Variants in FBXO42 observed in about 807,000 individuals in gnomAD.
FBXO42 encodes F-box protein 42.
Under a neutral mutation model 71.7 loss-of-function variants are expected in FBXO42, and 12 were observed. The ratio of observed to expected loss-of-function variants is 0.17; its 90% confidence interval spans 0.11 to 0.27. The LOEUF (loss-of-function observed/expected upper bound fraction) is 0.27. Ranked by LOEUF, FBXO42 falls within the 10% of genes least tolerant of loss-of-function variation. The pLI is 1.00. For synonymous variants in FBXO42, 325 were observed against 327.5 expected (o/e 0.99, Z 0.08); for missense variants, 707 against 911.9 (o/e 0.78, Z 2.89).
At chr1:16,333,410 C>T (rs955662708) in intron 1 of FBXO42, among the ~76,000 whole-genome samples, 7 of 147,924 alleles carry the variant, frequency 4.7e-5, no homozygotes, top group African/African-American at 1.5e-4. Flanking sequence ...GCCAGGAGTT[C>T]GAGACCAGCC....
intron 3 of FBXO42, among the ~76,000 whole-genome samples, chr1:16,297,723 C>G (rs6669766): frequency 8.1e-4 from 123 of 151,852 alleles, no homozygotes; most frequent in African/African-American, 2.8e-3. Context: ...AAAAATTAGC[C>G]GGGCGTGGTG....
At chr1:16,319,965 C>T (rs539988942) in intron 1 of FBXO42, among the ~76,000 whole-genome samples, 63 of 151,808 alleles carry the variant, frequency 4.1e-4, no homozygotes, top group Middle Eastern at 3.4e-3. Context: ...ATGCCTCTTT[C>T]CATGCTCACG....
chr1:16,296,649 C>CAAAAAAAAAAAAAA (rs58537213), intron 3 of FBXO42, among the ~76,000 whole-genome samples: 7 of 91,328 alleles, frequency 7.7e-5, no homozygotes, highest in Non-Finnish European at 9.0e-5. Flanking sequence ...GACTCCATCT[C>CAAAAAAAAAAAAAA]AAAAAAAAAA....
At chr1:16,314,985 T>A (rs974658438) in intron 2 of FBXO42, among the ~76,000 whole-genome samples, 184 bp downstream of exon 2, 9 of 152,070 alleles carry the variant, frequency 5.9e-5, no homozygotes, top group African/African-American at 2.2e-4. Flanking sequence ...TGGGATTAGA[T>A]ACTTCAGTAT....
At chr1:16,327,180 G>A (rs995849853) in intron 1 of FBXO42, among the ~76,000 whole-genome samples, 1 of 152,094 alleles carries the variant, frequency 6.6e-6, no homozygotes, top group Non-Finnish European at 1.5e-5. Flanking sequence ...TTACTGACGA[G>A]GGATGTTAAT....
chr1:16,277,871 T>C (rs866982698), intron 4 of FBXO42, among the ~76,000 whole-genome samples: 2 of 149,462 alleles, frequency 1.3e-5, no homozygotes, highest in African/African-American at 5.0e-5. Flanking sequence ...CAAGACCCTG[T>C]CTCAACAAAA....
At chr1:16,339,832 G>C (rs1205510776) in intron 1 of FBXO42, among the ~76,000 whole-genome samples, 1 of 152,174 alleles carries the variant, frequency 6.6e-6, no homozygotes, top group African/African-American at 2.4e-5. Context: ...GCTCACACCT[G>C]TAGTCCCAGC....
At chr1:16,341,119 A>C (rs2082600601) in intron 1 of FBXO42, among the ~76,000 whole-genome samples, 1 of 152,262 alleles carries the variant, frequency 6.6e-6, no homozygotes, top group Non-Finnish European at 1.5e-5. Flanking sequence ...GAAAAGACCA[A>C]GAGGCTGAGC....
At chr1:16,305,000 A>C (rs1557593611) in intron 3 of FBXO42, among the ~76,000 whole-genome samples, 1 of 152,148 alleles carries the variant, frequency 6.6e-6, no homozygotes, top group Non-Finnish European at 1.5e-5. Context: ...AATTCTTAAC[A>C]AACTGCCTAC....
At chr1:16,342,512 G>A (rs1443897551) in intron 1 of FBXO42, among the ~76,000 whole-genome samples, 1 of 151,196 alleles carries the variant, frequency 6.6e-6, no homozygotes, top group Admixed American at 6.6e-5. Context: ...AGCCTGGGGA[G>A]GTCAATGCTG....
intron 1 of FBXO42, among the ~76,000 whole-genome samples, chr1:16,317,208 A>AAG (rs2082375912): frequency 6.6e-6 from 1 of 151,984 alleles, no homozygotes; most frequent in Non-Finnish European, 1.5e-5. Flanking sequence ...ATCTGAGGTC[A>AAG]GGAGTTCAAG....
rs1206079236 is a variant in FBXO42 at position 16,247,956 on chromosome 1, A to T, written c.*2714T>A. On this transcript the variant is annotated 3_prime_UTR_variant, in exon 10 of 10. Coordinates refer to ENST00000375592, the MANE Select transcript of FBXO42 (RefSeq NM_018994.3). ...GCTCTCAAAAGGCACACTTGCAGGA[A>T]TGGAAGGGGTTAAAGCTTCAAGTAG... 1 of 152,230 alleles carries T rather than the reference A, an allele frequency of 6.6e-6. No individual in the cohort carries two copies. Among genetic ancestry groups the T allele is most frequent in the Non-Finnish European group, 1.5e-5 (1 of 68,028 alleles). The allele number at this position is 152,230 out of a possible 1,614,324, so 9.4% of individuals were successfully genotyped here. A position where few individuals can be genotyped will look rare whatever the true frequency, so the allele number is the denominator to read the frequency against.
At chr1:16,317,249 C>T (rs1397744745) in intron 1 of FBXO42, among the ~76,000 whole-genome samples, 1 of 152,138 alleles carries the variant, frequency 6.6e-6, no homozygotes, top group African/African-American at 2.4e-5. Flanking sequence ...GAAACTCCAT[C>T]TCTACTAAAA....
At chr1:16,326,014 TTGTGTGTGTGTG>T (rs34752325) in intron 1 of FBXO42, among the ~76,000 whole-genome samples, 60 of 137,522 alleles carry the variant, frequency 4.4e-4, no homozygotes, top group African/African-American at 1.4e-3. Flanking sequence ...GTGCCCAAAT[TTGTGTGTGTGTG>T]TGTGTGTGTG....
At chr1:16,352,129 G>A (rs916365508) in intron 1 of FBXO42, 126 bp downstream of exon 1, 24 of 382,574 alleles carry the variant, frequency 6.3e-5, no homozygotes, top group Non-Finnish European at 1.1e-4. Context: ...AACCAGGACC[G>A]ACCCCCGCGT....
intron 1 of FBXO42, among the ~76,000 whole-genome samples, chr1:16,332,646 T>G (rs374170707): frequency 6.6e-6 from 1 of 151,866 alleles, no homozygotes. Context: ...GTTCAAGTGA[T>G]TCTCCTGCCT....
intron 4 of FBXO42, among the ~76,000 whole-genome samples, chr1:16,286,088 T>A (rs1299203013): frequency 6.6e-6 from 1 of 151,736 alleles, no homozygotes. Context: ...GCCAGGCTGG[T>A]CTCAAACCCT....
intron 1 of FBXO42, among the ~76,000 whole-genome samples, chr1:16,350,140 GTTC>G (rs1235391830): frequency 6.6e-6 from 1 of 151,966 alleles, no homozygotes; most frequent in Non-Finnish European, 1.5e-5. Flanking sequence ...TTCTGATCCT[GTTC>G]TTTTTGTAAC....
intron 3 of FBXO42, among the ~76,000 whole-genome samples, chr1:16,295,212 T>C (rs2082116283): frequency 6.6e-6 from 1 of 152,198 alleles, no homozygotes; most frequent in African/African-American, 2.4e-5. Context: ...GGTGCTCAAA[T>C]GAGGGAAATT....
Sources: gnomAD v4.1 joint callset for allele counts (sites outside exome capture counted in the v4.1 genomes callset) on GRCh38, gnomAD v4.1.1 for gene constraint, MANE v1.5 for transcripts, NCBI Gene and HGNC (gene_info 2026-07-23, HGNC 2026-07-21) for gene names.